GABRG3: variants seen among roughly 807,000 people sequenced by gnomAD.
The protein encoded by GABRG3 is gamma-aminobutyric acid receptor subunit gamma-3.
GABRG3 carries 25 observed loss-of-function variants against 48.8 expected under a neutral mutation model. The ratio of observed to expected loss-of-function variants is 0.51; its 90% CI spans 0.37 to 0.72. The LOEUF (loss-of-function observed/expected upper bound fraction) is 0.72, where lower values mean the gene tolerates loss of function less well. Among genes scored for constraint, GABRG3 ranks in the 30% least tolerant of loss-of-function variants. The pLI is 0.00. For missense variants in GABRG3, 394 were observed against 577.9 expected, an observed-to-expected ratio of 0.68 and a Z score of 3.26; for synonymous variants, 227 against 217.6, an observed-to-expected ratio of 1.04 and a Z score of -0.38.
At chr15:27,506,042 T>A (rs2150856313) in intron 6 of GABRG3, among the ~76,000 whole-genome samples, 1 of 152,346 alleles carries the variant, frequency 6.6e-6, no homozygotes, top group Non-Finnish European at 1.5e-5. Context: ...CATAGTGTTA[T>A]GCATTCAGCA....
chr15:27,331,355 A>G (rs28599676), intron 5 of GABRG3, among the ~76,000 whole-genome samples: 11,431 of 152,240 alleles, frequency 0.075, 1,430 homozygotes, highest in African/African-American at 0.26. Flanking sequence ...TCCTTTGGTA[A>G]GAGAATGGAT....
intron 3 of GABRG3, among the ~76,000 whole-genome samples, chr15:27,130,551 A>G (rs1897898898): frequency 6.6e-6 from 1 of 152,080 alleles, no homozygotes; most frequent in South Asian, 2.1e-4. Context: ...TATTAATTCT[A>G]GGATTTTCTT....
intron 6 of GABRG3, among the ~76,000 whole-genome samples, chr15:27,501,292 G>A (rs1019776603): frequency 1.3e-5 from 2 of 152,164 alleles, no homozygotes; most frequent in African/African-American, 2.4e-5. Context: ...GGTGGTAGAA[G>A]CAGATTAACA....
chr15:27,335,800 G>A (rs552455693), intron 5 of GABRG3, among the ~76,000 whole-genome samples: 4 of 152,204 alleles, frequency 2.6e-5, no homozygotes, highest in Admixed American at 6.5e-5. Context: ...CACTGAAAAT[G>A]ATTAAAATGA....
chr15:27,114,275 G>A (rs1435173064), intron 3 of GABRG3, among the ~76,000 whole-genome samples: 1 of 152,174 alleles, frequency 6.6e-6, no homozygotes, highest in African/African-American at 2.4e-5. Flanking sequence ...GGTACTGATT[G>A]CCATTACAGT....
intron 5 of GABRG3, among the ~76,000 whole-genome samples, chr15:27,477,795 C>T (rs1040543302): frequency 4.6e-5 from 7 of 152,098 alleles, no homozygotes; most frequent in African/African-American, 1.7e-4. Flanking sequence ...AATCCCAGCA[C>T]TTTGGAAGGC....
At chr15:27,066,222 G>A (rs943028603) in intron 3 of GABRG3, among the ~76,000 whole-genome samples, 1 of 152,080 alleles carries the variant, frequency 6.6e-6, no homozygotes, top group Non-Finnish European at 1.5e-5. Context: ...ATATAGTTAC[G>A]TTCATACAAA....
chr15:27,102,985 G>A (rs965150021), intron 3 of GABRG3, among the ~76,000 whole-genome samples: 14 of 152,154 alleles, frequency 9.2e-5, no homozygotes, highest in Non-Finnish European at 1.5e-5. Flanking sequence ...TTCTTTAATT[G>A]TTTTGGATTA....
Position 27,121,970 on chromosome 15 carries a change from G to A in GABRG3, c.270+95149G>A, listed in dbSNP as rs528186596. 1.4e-4 allele frequency among the ~76,000 whole-genome samples: 22 copies of A among 152,318 alleles called. No individual in the cohort carries two copies. The South Asian group carries it at 2.3e-3, about 16-fold the overall frequency. On this transcript the variant is annotated intron_variant, in intron 3 of 9. Transcript: ENST00000615808. ...GTTACCAGAGGCTGGGAAGGGTAGT[G>A]GAGATGGAGCGGGGAAGTGGGAATG... is the stretch of plus-strand genomic sequence containing the variant.
In GABRG3 at chr15:27,541,037, TG is replaced by T. The variant is rs1350616181; in HGVS notation, c.*8158del. On this transcript the variant is annotated 3_prime_UTR_variant, in exon 10 of 10. Coordinates refer to ENST00000615808, the MANE Select transcript of GABRG3 (RefSeq NM_033223.5). ...AGAGGACAGAGGGAGAGAGAGAAAG[TG>T]GCAATCTGTACATTTCCTGACAAAG... 6.6e-6 allele frequency: 1 copy of T among 152,106 alleles called. No individual in the cohort carries two copies. The highest frequency in any genetic ancestry group is 1.5e-5 in the Non-Finnish European group (1 of 68,038). The allele number at this position is 152,106 out of a possible 1,614,324, so 9.4% of individuals were successfully genotyped here. A position where few individuals can be genotyped will look rare whatever the true frequency, so the allele number is the denominator to read the frequency against.
intron 3 of GABRG3, among the ~76,000 whole-genome samples, chr15:27,264,808 T>G (rs1320252232): frequency 6.6e-6 from 1 of 152,096 alleles, no homozygotes; most frequent in Non-Finnish European, 1.5e-5. Flanking sequence ...TTTATACCTT[T>G]TATATCGTCT....
At chr15:27,109,779 G>A (rs1232344683) in intron 3 of GABRG3, among the ~76,000 whole-genome samples, 16 of 152,218 alleles carry the variant, frequency 1.1e-4, no homozygotes, top group Admixed American at 1.0e-3. Flanking sequence ...CTACTCGGGA[G>A]GCTGAGGCAG....
rs1260730122 is a variant in GABRG3 at position 27,533,687 on chromosome 15, C to T, written c.*806C>T. On this transcript the variant is annotated 3_prime_UTR_variant, in exon 10 of 10. Coordinates refer to ENST00000615808, the MANE Select transcript of GABRG3 (RefSeq NM_033223.5). ...TAAGAGCTGTTTTTCACTAGACCAACGCTCAACCCTCGAGTATGTGTCCAG... is the reference window on the plus strand; with the variant it reads ...TAAGAGCTGTTTTTCACTAGACCAATGCTCAACCCTCGAGTATGTGTCCAG... The T allele has an allele frequency of 2.6e-5, 4 of 152,088 alleles. No individual in the cohort carries two copies. The highest frequency in any genetic ancestry group is 9.7e-5 in the African/African-American group (4 of 41,390). 9.4% of individuals were successfully genotyped at this position (152,088 alleles called of 1,614,324 possible). A position where few individuals can be genotyped will look rare whatever the true frequency, so the allele number is the denominator to read the frequency against.
At chr15:27,067,635 C>T (rs928385886) in intron 3 of GABRG3, among the ~76,000 whole-genome samples, 1 of 152,232 alleles carries the variant, frequency 6.6e-6, no homozygotes, top group Non-Finnish European at 1.5e-5. Flanking sequence ...TCTCCACTCC[C>T]CTTCCCTTTC....
chr15:27,530,053 T>A (rs964662804), intron 9 of GABRG3, among the ~76,000 whole-genome samples: 1 of 152,164 alleles, frequency 6.6e-6, no homozygotes, highest in African/African-American at 2.4e-5. Flanking sequence ...AAGTCTGTCC[T>A]CCGGTCTGCA....
At chr15:27,210,903 A>T (rs941110668) in intron 3 of GABRG3, among the ~76,000 whole-genome samples, 1 of 152,230 alleles carries the variant, frequency 6.6e-6, no homozygotes, top group South Asian at 2.1e-4. Context: ...TCCTCTCTAC[A>T]TAGGTCTCTC....
At chr15:27,076,765 C>T (rs529312369) in intron 3 of GABRG3, among the ~76,000 whole-genome samples, 2 of 152,238 alleles carry the variant, frequency 1.3e-5, no homozygotes, top group Admixed American at 6.5e-5. Flanking sequence ...AGTCAGCAGA[C>T]ACTAGAGGCC....
At chr15:27,248,787 CACACACACACACACACAGAGAG>C (rs1385939702) in intron 3 of GABRG3, among the ~76,000 whole-genome samples, 4 of 113,190 alleles carry the variant, frequency 3.5e-5, no homozygotes, top group African/African-American at 1.6e-4. Flanking sequence ...CACACACACA[CACACACACACACACACAGAGAG>C]AGAGAGAGAG....
At chr15:27,043,489 TG>T (rs1268135294) in intron 3 of GABRG3, among the ~76,000 whole-genome samples, 1 of 152,172 alleles carries the variant, frequency 6.6e-6, no homozygotes, top group Non-Finnish European at 1.5e-5. Context: ...TCACCTGAGC[TG>T]GTATCATAGG....
Sources: gnomAD v4.1 joint callset for allele counts (sites outside exome capture counted in the v4.1 genomes callset) on GRCh38, gnomAD v4.1.1 for gene constraint, MANE v1.5 for transcripts, NCBI Gene and HGNC (gene_info 2026-07-23, HGNC 2026-07-21) for gene names.